KANK1: variants seen among roughly 807,000 people sequenced by gnomAD.
KANK1 encodes the protein KN motif and ankyrin repeat domains 1.
A neutral mutation model predicts 106.2 loss-of-function variants in KANK1; 109 were observed. That is an observed-to-expected ratio of 1.03 (90% confidence interval 0.88 to 1.20). KANK1 has a LOEUF of 1.20. Among genes scored for constraint, KANK1 ranks in the 50% most tolerant of loss-of-function variants. The pLI, the probability that KANK1 is intolerant of heterozygous loss-of-function variation, is 0.00. For missense variants in KANK1, 2,399 were observed against 1,710.7 expected, an observed-to-expected ratio of 1.40 and a Z score of -7.10; for synonymous variants, 873 against 652.2, an observed-to-expected ratio of 1.34 and a Z score of -5.16.
intron 1 of KANK1, among the ~76,000 whole-genome samples, chr9:511,799 G>C (rs1014753598): frequency 3.9e-5 from 6 of 152,190 alleles, no homozygotes; most frequent in African/African-American, 1.4e-4. Flanking sequence ...TGTGATAACT[G>C]CTGTTTCTGT....
At chr9:523,887 T>A (rs2059663869) in intron 1 of KANK1, among the ~76,000 whole-genome samples, 1 of 151,772 alleles carries the variant, frequency 6.6e-6, no homozygotes, top group African/African-American at 2.4e-5. Flanking sequence ...TATTGTTTAT[T>A]TTCAGCATAT....
intron 1 of KANK1, among the ~76,000 whole-genome samples, chr9:584,454 T>C (rs1256177886): frequency 6.6e-6 from 1 of 152,246 alleles, no homozygotes. Flanking sequence ...AAAATTATTT[T>C]TTAATAATTC....
chr9:646,465 A>C lies in KANK1; in HGVS notation c.-83-30425A>C, dbSNP rs533914863. Reference sequence around the variant, plus strand: ...CCAATGGTACATGAGTTCTCTCTCTAATTATATCTTCTGTATTCCTCTCTC... The same window carrying C: ...CCAATGGTACATGAGTTCTCTCTCTCATTATATCTTCTGTATTCCTCTCTC... On this transcript the variant is annotated intron_variant, in intron 1 of 11. Transcript: ENST00000382297. Among the ~76,000 whole-genome samples, 30 of 151,172 alleles carry C rather than the reference A, an allele frequency of 2.0e-4. 3 individuals are homozygous for C. The highest frequency in any genetic ancestry group is 7.4e-4 in the African/African-American group (30 of 40,476).
chr9:591,126 T>C (rs181866894), intron 1 of KANK1, among the ~76,000 whole-genome samples: 2 of 152,030 alleles, frequency 1.3e-5, no homozygotes, highest in East Asian at 3.9e-4. Context: ...GAGGGGTATT[T>C]GCTATTTTTG....
rs868273412 is a variant in KANK1 at position 667,976 on chromosome 9, C to G, written c.-83-8914C>G. On this transcript the variant is annotated intron_variant, in intron 1 of 11. Coordinates refer to ENST00000382297, the MANE Select transcript of KANK1 (RefSeq NM_015158.5). The stretch of plus-strand genomic sequence containing the variant: ...GAACTCCTGACATCAGATGATCCAC[C>G]CACCTCAGCCTCCCAAAGTACTGGG... Among the ~76,000 whole-genome samples, 4 of 152,236 alleles carry G rather than the reference C, an allele frequency of 2.6e-5. 1 individual carries two copies. Among genetic ancestry groups the G allele is most frequent in the Middle Eastern group, 3.4e-3 (1 of 294 alleles).
intron 10 of KANK1, among the ~76,000 whole-genome samples, chr9:742,923 G>C (rs1400661721): frequency 6.6e-6 from 1 of 152,186 alleles, no homozygotes; most frequent in Non-Finnish European, 1.5e-5. Context: ...ACTTCTTGAA[G>C]CGTTTTCCCA....
chr9:509,359 G>C (rs1393896395), intron 1 of KANK1, among the ~76,000 whole-genome samples: 2 of 152,208 alleles, frequency 1.3e-5, no homozygotes, highest in Non-Finnish European at 2.9e-5. Flanking sequence ...GCCTCCCAAA[G>C]TGCTGTGATT....
At chr9:563,628 C>T (rs10491602) in intron 1 of KANK1, among the ~76,000 whole-genome samples, 2 of 152,112 alleles carry the variant, frequency 1.3e-5, no homozygotes, top group African/African-American at 4.8e-5. Context: ...TAGACCCATT[C>T]GTTTCTTATC....
intron 2 of KANK1, among the ~76,000 whole-genome samples, chr9:689,233 A>T (rs1359058): frequency 0.46 from 69,526 of 152,096 alleles, 18,341 homozygotes; most frequent in Non-Finnish European, 0.61. Flanking sequence ...TAGAAAGCCC[A>T]TGCGACACTA....
chr9:689,317 T>C (rs906879817), intron 2 of KANK1, among the ~76,000 whole-genome samples: 1 of 152,152 alleles, frequency 6.6e-6, no homozygotes, highest in Non-Finnish European at 1.5e-5. Context: ...GACTTTTTAT[T>C]TTTCTTGTCT....
intron 2 of KANK1, among the ~76,000 whole-genome samples, chr9:694,420 C>A (rs938295393): frequency 2.0e-5 from 3 of 152,296 alleles, no homozygotes; most frequent in South Asian, 4.1e-4. Context: ...CTCTTCTGTG[C>A]ATGCATGATT....
chr9:566,475 A>G (rs537007634), intron 1 of KANK1, among the ~76,000 whole-genome samples: 5 of 152,374 alleles, frequency 3.3e-5, no homozygotes, highest in Non-Finnish European at 5.9e-5. Flanking sequence ...ACTTCCACCA[A>G]TACTGTGTAA....
intron 3 of KANK1, among the ~76,000 whole-genome samples, chr9:718,795 A>G (rs2131229536): frequency 6.6e-6 from 1 of 152,268 alleles, no homozygotes. Context: ...AGGAGAGCGT[A>G]GAAACAACAT....
chr9:517,997 C>T (rs1587438641), intron 1 of KANK1, among the ~76,000 whole-genome samples: 1 of 151,686 alleles, frequency 6.6e-6, no homozygotes, highest in East Asian at 1.9e-4. Flanking sequence ...CTCAGCCTTC[C>T]AGAGTGCTGG....
chr9:704,527 C>G lies in KANK1; in HGVS notation c.38-6277C>G, dbSNP rs1432643449. ...CTTCTGCTTACAGACTTTTATTTGCCCCTATTAGTGTGGAAGGAGGGGATA... is the reference window on the plus strand; with the variant it reads ...CTTCTGCTTACAGACTTTTATTTGCGCCTATTAGTGTGGAAGGAGGGGATA... On this transcript the variant is annotated intron_variant, in intron 2 of 11. Coordinates refer to ENST00000382297, the MANE Select transcript of KANK1 (RefSeq NM_015158.5). Among the ~76,000 whole-genome samples the G allele has an allele frequency of 7.9e-5, 12 of 152,088 alleles. 1 individual carries two copies. The highest frequency in any genetic ancestry group is 7.2e-4 in the Admixed American group (11 of 15,258).
At position 641,807 on chromosome 9, in the gene KANK1, A is replaced by G. The variant is rs561380492; in HGVS notation, c.-83-35083A>G. ...GAAATTCATACATTTTGGTTTTTTA[A>G]GGACTACTTTATTAAGGTATAATTC... On this transcript the variant is annotated intron_variant, in intron 1 of 11. Transcript: ENST00000382297. Among the ~76,000 whole-genome samples the G allele has an allele frequency of 5.3e-5, 8 of 152,334 alleles. No homozygotes were observed. The South Asian group carries it at 1.0e-3, about 20-fold the overall frequency.
At chr9:629,138 A>T (rs1470041431) in intron 1 of KANK1, among the ~76,000 whole-genome samples, 2 of 151,964 alleles carry the variant, frequency 1.3e-5, no homozygotes, top group Non-Finnish European at 2.9e-5. Context: ...ATGTAAAATA[A>T]TGTATGTTTG....
chr9:671,879 C>T lies in KANK1; in HGVS notation c.-83-5011C>T, dbSNP rs925657770. ...AGGAGAATCACCTGAACCTGGGAGG[C>T]GGAGGTTGCAGTGAGCTGAGATCGC... On this transcript the variant is annotated intron_variant, in intron 1 of 11. Coordinates refer to ENST00000382297, the MANE Select transcript of KANK1 (RefSeq NM_015158.5). Among the ~76,000 whole-genome samples, 7 of 151,990 alleles carry T rather than the reference C, an allele frequency of 4.6e-5. No individual in the cohort carries two copies. The East Asian group carries it at 5.8e-4, about 13-fold the overall frequency.
In KANK1 at chr9:713,156, T is replaced by C; in HGVS notation, c.2390T>C (p.Val797Ala). 1.3e-6 allele frequency: 2 copies of C among 1,590,934 alleles called. No individual in the cohort carries two copies. The highest frequency in any genetic ancestry group is 1.7e-6 in the Non-Finnish European group (2 of 1,167,440). The change falls in exon 3 of 12, where the codon GTG (valine) becomes GCG (alanine). Residue 797 changes from valine (V) to alanine (A), a missense_variant. Val to Ala is a moderately conservative substitution (Grantham distance 64). Coordinates refer to ENST00000382297, the MANE Select transcript of KANK1 (RefSeq NM_015158.5). Reference protein sequence around the residue: ...TVGLTASRRSVGVGDDPVGES... With the variant: ...TVGLTASRRSAGVGDDPVGES... ...GGGCTGACAGCCAGCAGAAGGAGCG[T>C]GGGGGTTGGGGATGACCCTGTAGGG...
Sources: gnomAD v4.1 joint callset for allele counts (sites outside exome capture counted in the v4.1 genomes callset) on GRCh38, gnomAD v4.1.1 for gene constraint, MANE v1.5 for transcripts, NCBI Gene and HGNC (gene_info 2026-07-23, HGNC 2026-07-21) for gene names.